The following CERCAM variants were observed in gnomAD, a reference collection of about 807,000 sequenced individuals.
CERCAM encodes the protein inactive glycosyltransferase 25 family member 3.
A neutral mutation model predicts 66.0 loss-of-function variants in CERCAM; 59 were observed. The observed-to-expected ratio is 0.89, with a 90% CI of 0.73 to 1.11. The LOEUF (loss-of-function observed/expected upper bound fraction) is 1.11. Ranked by LOEUF, CERCAM falls within the 50% of genes most tolerant of loss-of-function variation. The pLI is 0.00. For missense variants in CERCAM, 840 were observed against 828.3 expected (o/e 1.01, Z -0.17); for synonymous variants, 318 against 343.6 (o/e 0.93, Z 0.83).
At position 128,422,870 on chromosome 9, in the gene CERCAM, G is replaced by A; in HGVS notation, c.200G>A (p.Cys67Tyr). The change falls in exon 2 of 13, where the codon TGT becomes TAT. Residue 67 changes from cysteine to tyrosine, a missense_variant and splice_region_variant. Physicochemically the swap from Cys to Tyr is radical, Grantham distance 194. Transcript: ENST00000372838. ...GCCTTTTTTCTTCCCGTCCCCAGGT[G>A]TGCCACGGACCACAATGTGGACAAC... ...DYPRARMALWCATDHNVDNTT... is the reference protein window; with the variant it reads ...DYPRARMALWYATDHNVDNTT... 6.2e-7 allele frequency: 1 copy of A among 1,613,948 alleles called. No individual in the cohort carries two copies. Among genetic ancestry groups the A allele is most frequent in the Non-Finnish European group, 8.5e-7 (1 of 1,179,950 alleles).
intron 5 of CERCAM, among the ~76,000 whole-genome samples, chr9:128,425,272 G>A (rs1833817185): frequency 6.7e-6 from 1 of 148,678 alleles, no homozygotes. Context: ...AACCAGGATG[G>A]TCTCGATCTC....
At chr9:128,424,305 A>AGGTCCTGGAAGGAG (rs1833785306) in intron 4 of CERCAM, 33 bp downstream of exon 4, 8 of 1,612,724 alleles carry the variant, frequency 5.0e-6, no homozygotes, top group Non-Finnish European at 6.8e-6. Flanking sequence ...GGGTGGACTG[A>AGGTCCTGGAAGGAG]GGTCCTGGAA....
Position 128,434,741 on chromosome 9 carries a change from G to C in CERCAM, c.1535+128G>C. The C allele has an allele frequency of 1.1e-5, 10 of 893,538 alleles. No homozygotes were observed. Among genetic ancestry groups the C allele is most frequent in the Non-Finnish European group, 1.5e-5 (9 of 592,496 alleles). 55.4% of individuals were successfully genotyped at this position (893,538 alleles called of 1,614,324 possible). A position where few individuals can be genotyped will look rare whatever the true frequency, so the allele number is the denominator to read the frequency against. On this transcript the variant is annotated intron_variant, in intron 11 of 12. Transcript: ENST00000372838. The surrounding 1 kb of genome is among the most constrained non-coding windows in gnomAD (Gnocchi z 4.5). ...GGGACTGGCAAGGCCAAGCCACTTG[G>C]CCCAGGTCACCAAGGAGTGGCTCAG...
chr9:128,425,819 T>G (rs1469238126), intron 5 of CERCAM, among the ~76,000 whole-genome samples: 2 of 144,840 alleles, frequency 1.4e-5, no homozygotes, highest in Non-Finnish European at 3.0e-5. Flanking sequence ...CCCAGCCTTT[T>G]TTTTTTTTTT....
At chr9:128,427,121 GT>G (rs200800419) in intron 5 of CERCAM, among the ~76,000 whole-genome samples, 80 of 151,178 alleles carry the variant, frequency 5.3e-4, no homozygotes, top group African/African-American at 1.9e-3. Flanking sequence ...TTTTTTGTTT[GT>G]TTTTTTTTAA....
chr9:128,428,307 T>G lies in CERCAM; in HGVS notation c.772T>G (p.Ser258Ala), dbSNP rs1253020236. Residue 258 changes from serine (S) to alanine (A), a missense_variant, in exon 6 of 13, where the codon TCC (serine) becomes GCC (alanine). Transcript: ENST00000372838. ...CACTCAGCCTGTCTCTGCAGGGGTC[T>G]CCGTCCACGTGTGCAATGAGCACCG... Reference protein sequence around the residue: ...FAYACQAAGVSVHVCNEHRYG... With the variant: ...FAYACQAAGVAVHVCNEHRYG... The G allele has an allele frequency of 2.5e-6, 4 of 1,613,874 alleles. No homozygotes were observed. The East Asian group carries it at 6.7e-5, about 27-fold the overall frequency.
intron 9 of CERCAM, among the ~76,000 whole-genome samples, chr9:128,433,220 A>G (rs1834021092): frequency 6.7e-6 from 1 of 149,204 alleles, no homozygotes; most frequent in Non-Finnish European, 1.5e-5. Flanking sequence ...CGGAGCATGC[A>G]GTGAGCCGAG....
Position 128,434,045 on chromosome 9 carries a change from AG to A in CERCAM, c.1204-54del. On this transcript the variant is annotated intron_variant, in intron 9 of 12. Coordinates refer to ENST00000372838, the MANE Select transcript of CERCAM (RefSeq NM_016174.5). The surrounding 1 kb of genome is among the most constrained non-coding windows in gnomAD (Gnocchi z 4.5). Reference sequence around the variant, plus strand: ...GCAGAGGCTGTGAGCTTCAGCGTGGAGGGAGGGGGGTTGTTTAACTCCGAAG... The same window carrying A: ...GCAGAGGCTGTGAGCTTCAGCGTGGAGGAGGGGGGTTGTTTAACTCCGAAG... The A allele has an allele frequency of 6.3e-6, 10 of 1,595,754 alleles. No individual in the cohort carries two copies. Among genetic ancestry groups the A allele is most frequent in the Non-Finnish European group, 8.5e-6 (10 of 1,169,982 alleles).
intron 8 of CERCAM, among the ~76,000 whole-genome samples, chr9:128,430,411 AT>A (rs1043218583): frequency 2.0e-5 from 3 of 147,642 alleles, no homozygotes; most frequent in Non-Finnish European, 4.5e-5. Context: ...CTCAAAAAAA[AT>A]TTTTTTTTTG....
upstream of CERCAM, among the ~76,000 whole-genome samples, chr9:128,419,989 G>A (rs911595391): frequency 1.7e-3 from 253 of 152,006 alleles, 1 homozygote; most frequent in Non-Finnish European, 2.8e-4. Context: ...TCCTGCCTCA[G>A]CCTCCCAAGT....
chr9:128,433,992 A>T (rs1260045891), intron 9 of CERCAM, 110 bp from the exon 10 acceptor site: 18 of 1,446,604 alleles, frequency 1.2e-5, no homozygotes, highest in Admixed American at 4.2e-5. Context: ...GGGCAACTGC[A>T]TGATGTGGCC....
At chr9:128,429,099 C>T in intron 8 of CERCAM, 63 bp downstream of exon 8, 1 of 1,205,964 alleles carries the variant, frequency 8.3e-7, no homozygotes, top group Admixed American at 2.4e-5. Context: ...CATCTCCTAG[C>T]CCGCTAGGAC....
intron 3 of CERCAM, 23 bp downstream of exon 3, chr9:128,423,286 G>C (rs376104878): frequency 1.3e-6 from 2 of 1,594,352 alleles, no homozygotes; most frequent in African/African-American, 1.3e-5. Context: ...GGCTAGAATC[G>C]GGCTTCTGAA....
At chr9:128,432,275 C>T (rs1833993559) in intron 9 of CERCAM, among the ~76,000 whole-genome samples, 1 of 152,096 alleles carries the variant, frequency 6.6e-6, no homozygotes. Context: ...ATCTGCCCAC[C>T]TCGGCCTCCC....
rs1336196528 is a variant in CERCAM at position 128,423,115 on chromosome 9, C to T, written c.309-31C>T. On this transcript the variant is annotated intron_variant, in intron 2 of 12. Coordinates refer to ENST00000372838, the MANE Select transcript of CERCAM (RefSeq NM_016174.5). ...CTGCAGAGAGGGAGGGGCATGTACC[C>T]CATGGGAACATCTCACCTCTATCCC... 2.5e-6 allele frequency: 4 copies of T among 1,612,536 alleles called. No homozygotes were observed. The Admixed American group carries it at 6.7e-5, about 27-fold the overall frequency.
chr9:128,426,543 G>T (rs551005647), intron 5 of CERCAM, among the ~76,000 whole-genome samples: 7 of 151,772 alleles, frequency 4.6e-5, no homozygotes, highest in African/African-American at 1.5e-4. Context: ...TGGTGTGAAC[G>T]CAGGAGGCAG....
chr9:128,434,276 G>A lies in CERCAM; in HGVS notation c.1331+47G>A, dbSNP rs370255320. 29 of 1,609,976 alleles carry A rather than the reference G, an allele frequency of 1.8e-5. No individual in the cohort carries two copies. Among genetic ancestry groups the A allele is most frequent in the Middle Eastern group, 1.7e-4 (1 of 6,042 alleles). Reference sequence around the variant, plus strand: ...GGACAAGGGGGCAGGGTGGGCCTCCGGAGTCTGCCTTTTCCTGCTTGGGAC... The same window carrying A: ...GGACAAGGGGGCAGGGTGGGCCTCCAGAGTCTGCCTTTTCCTGCTTGGGAC... On this transcript the variant is annotated intron_variant, in intron 10 of 12. Transcript: ENST00000372838. This position sits in a 1 kb window ranked among gnomAD's most constrained non-coding sequence, Gnocchi z 4.5.
chr9:128,431,046 G>A, intron 8 of CERCAM, 125 bp from the exon 9 acceptor site: 1 of 1,193,880 alleles, frequency 8.4e-7, no homozygotes, highest in East Asian at 2.4e-5. Context: ...ACACAAAGGA[G>A]TTACAAGGCA....
At chr9:128,429,193 C>T (rs760758272) in intron 8 of CERCAM, among the ~76,000 whole-genome samples, 157 bp downstream of exon 8, 28 of 152,244 alleles carry the variant, frequency 1.8e-4, no homozygotes, top group Non-Finnish European at 3.4e-4. Flanking sequence ...CAGGGAGTTC[C>T]GGAGCAGACA....
Sources: gnomAD v4.1 joint callset for allele counts (sites outside exome capture counted in the v4.1 genomes callset) on GRCh38, gnomAD v4.1.1 for gene constraint, Gnocchi (gnomAD v3.1) non-coding constraint, MANE v1.5 for transcripts, NCBI Gene and HGNC (gene_info 2026-07-23, HGNC 2026-07-21) for gene names.